Variants in TLR5 observed in about 807,000 individuals in gnomAD.
TLR5 encodes the protein toll like receptor 5, also known as toll-like receptor 5.
For missense variants in TLR5, 944 were observed against 999.8 expected (o/e 0.94, Z 0.75); for synonymous variants, 373 against 384.4 (o/e 0.97, Z 0.35).
At chr1:223,122,972 G>A (rs1298998758) in intron 5 of TLR5, among the ~76,000 whole-genome samples, 2 of 152,146 alleles carry the variant, frequency 1.3e-5, no homozygotes, top group African/African-American at 4.8e-5. Context: ...AGGTTTTGCA[G>A]TCCAAACACA....
rs1037625775 is a variant in TLR5, at chr1:223,110,151, A to G, written c.*304T>C. ...CAACTTCTCCCAAGGTGCCCTTCCC[A>G]TGATTAGGATACATTCCATAATCAA... On this transcript the variant is annotated 3_prime_UTR_variant, in exon 6 of 6. Coordinates refer to ENST00000642603, the MANE Select transcript of TLR5 (RefSeq NM_003268.6). 9 of 377,908 alleles carry G rather than the reference A, an allele frequency of 2.4e-5. No homozygotes were observed. Among genetic ancestry groups the G allele is most frequent in the South Asian group, 6.4e-5 (2 of 31,052 alleles). 23.4% of individuals were successfully genotyped at this position (377,908 alleles called of 1,614,324 possible).
chr1:223,112,863 A>G lies in TLR5; in HGVS notation c.169T>C (p.Tyr57His). The change falls in exon 6 of 6, where the codon TAT becomes CAT. Residue 57 changes from tyrosine to histidine, a missense_variant. By Grantham distance (83) the Tyr-to-His change is moderately conservative (BLOSUM62 2). Transcript: ENST00000642603. ...GATGAAGCAGTGACTGTCCTGATAT[A>G]GTTGAAGCTCAGCAGGAGCCTCTCA... ...TTERLLLSFN[Y>H]IRTVTASSFP... The G allele has an allele frequency of 6.2e-7, 1 of 1,614,024 alleles. No homozygotes were observed. Among genetic ancestry groups the G allele is most frequent in the Non-Finnish European group, 8.5e-7 (1 of 1,179,980 alleles).
intron 4 of TLR5, among the ~76,000 whole-genome samples, chr1:223,133,490 G>A (rs1322606126): frequency 2.0e-5 from 3 of 152,144 alleles, no homozygotes; most frequent in East Asian, 1.9e-4. Flanking sequence ...TGATGCTGCT[G>A]CTGGTCCACT....
At chr1:223,123,173 A>C (rs1212946941) in intron 5 of TLR5, among the ~76,000 whole-genome samples, 2 of 152,216 alleles carry the variant, frequency 1.3e-5, no homozygotes, top group Non-Finnish European at 2.9e-5. Flanking sequence ...AAACACGAGA[A>C]GGAAATTCTC....
At chr1:223,141,917 C>T (rs528067596) in intron 1 of TLR5, among the ~76,000 whole-genome samples, 154 bp from the exon 2 acceptor site, 35 of 150,820 alleles carry the variant, frequency 2.3e-4, no homozygotes, top group Admixed American at 5.9e-4. Flanking sequence ...ACGGTCTCTC[C>T]TCTGGGACCT....
chr1:223,124,454 A>AAG (rs1553268740), intron 5 of TLR5, among the ~76,000 whole-genome samples: 12 of 151,564 alleles, frequency 7.9e-5, no homozygotes, highest in African/African-American at 1.9e-4. Flanking sequence ...AAACAAAAAA[A>AAG]AAAAAGAAAA....
intron 5 of TLR5, among the ~76,000 whole-genome samples, chr1:223,113,367 G>A (rs967817500): frequency 3.3e-5 from 5 of 151,782 alleles, no homozygotes; most frequent in African/African-American, 7.3e-5. Context: ...CACTGTACCC[G>A]GCTAATTTTT....
At chr1:223,124,962 C>T (rs765861246) in intron 5 of TLR5, among the ~76,000 whole-genome samples, 24 of 152,136 alleles carry the variant, frequency 1.6e-4, no homozygotes, top group Non-Finnish European at 3.4e-4. Context: ...GAAGTTACAG[C>T]AACAGATGTG....
intron 2 of TLR5, among the ~76,000 whole-genome samples, chr1:223,140,112 A>C (rs1657775207): frequency 6.6e-6 from 1 of 152,174 alleles, no homozygotes. Context: ...ACTCTGCTCA[A>C]ACACTCGGGT....
intron 5 of TLR5, chr1:223,127,259 C>T (rs1300272312): frequency 2.6e-5 from 4 of 152,266 alleles, no homozygotes; most frequent in Non-Finnish European, 5.9e-5. Context: ...GAATGCTTCT[C>T]CTGGCAGGTG....
At chr1:223,114,741 G>T (rs960828812) in intron 5 of TLR5, among the ~76,000 whole-genome samples, 3 of 152,148 alleles carry the variant, frequency 2.0e-5, no homozygotes, top group South Asian at 2.1e-4. Context: ...TCTAATAATC[G>T]TTAGGAAAAA....
At chr1:223,135,443 G>A (rs982741472) in intron 3 of TLR5, among the ~76,000 whole-genome samples, 4 of 152,200 alleles carry the variant, frequency 2.6e-5, no homozygotes, top group African/African-American at 9.7e-5. Flanking sequence ...GCTCCAACTT[G>A]CTAGTGGTGG....
At chr1:223,121,558 G>C (rs754264535) in intron 5 of TLR5, among the ~76,000 whole-genome samples, 1 of 152,182 alleles carries the variant, frequency 6.6e-6, no homozygotes, top group African/African-American at 2.4e-5. Context: ...TCACTCTGCT[G>C]TCCAGGCTGG....
At chr1:223,130,531 G>A (rs1258898832) in intron 5 of TLR5, among the ~76,000 whole-genome samples, 1 of 152,170 alleles carries the variant, frequency 6.6e-6, no homozygotes, top group Admixed American at 6.5e-5. Flanking sequence ...GGATGGGCCG[G>A]TCTGAGAAGG....
rs1423064801 is a variant in TLR5 at position 223,110,584 on chromosome 1, C to G, written c.2448G>C (p.Leu816Phe). 1.3e-5 allele frequency: 21 copies of G among 1,614,058 alleles called. No homozygotes were observed. Among genetic ancestry groups the G allele is most frequent in the Non-Finnish European group, 1.8e-5 (21 of 1,180,026 alleles). Residue 816 changes from leucine (L) to phenylalanine (F), a missense_variant, in exon 6 of 6, where the codon TTG (leucine) becomes TTC (phenylalanine). Physicochemically the swap from Leu to Phe is conservative, Grantham distance 22. Transcript: ENST00000642603. ...CATCCTGGAGATCCTCAGGCCACCT[C>G]AAATACTGCTGTTTCTGTACAAAGC... ...IRGFVQKQQY[L>F]RWPEDLQDVG...
rs1656332972 is a variant in TLR5 at position 223,111,456 on chromosome 1, T to A, written c.1576A>T (p.Thr526Ser). The A allele has an allele frequency of 6.2e-7, 1 of 1,614,054 alleles. No individual in the cohort carries two copies. The highest frequency in any genetic ancestry group is 1.3e-5 in the African/African-American group (1 of 74,920). ...TTGAGGCTTAGTCCCCTTAATGCAGTCAGATGGCTAAATACTCCTGGTGGA... is the reference window on the plus strand; with the variant it reads ...TTGAGGCTTAGTCCCCTTAATGCAGACAGATGGCTAAATACTCCTGGTGGA... ...SLPPGVFSHLTALRGLSLNSN... is the reference protein window; with the variant it reads ...SLPPGVFSHLSALRGLSLNSN... The change falls in exon 6 of 6, where the codon ACT becomes TCT. Residue 526 changes from threonine (T) to serine (S), a missense_variant. Thr to Ser is a moderately conservative substitution (Grantham distance 58). Transcript: ENST00000642603.
chr1:223,116,557 G>T (rs1422722590), intron 5 of TLR5, among the ~76,000 whole-genome samples: 1 of 152,144 alleles, frequency 6.6e-6, no homozygotes, highest in African/African-American at 2.4e-5. Flanking sequence ...ACTGCAAAGA[G>T]CAAAAGAACA....
At chr1:223,127,533 C>T (rs1657219295) in intron 5 of TLR5, 1 of 152,208 alleles carries the variant, frequency 6.6e-6, no homozygotes, top group Admixed American at 6.5e-5. Context: ...CCATGCCCAA[C>T]AAATGGGCAT....
At chr1:223,120,658 T>C (rs1656915969) in intron 5 of TLR5, among the ~76,000 whole-genome samples, 1 of 152,240 alleles carries the variant, frequency 6.6e-6, no homozygotes, top group Non-Finnish European at 1.5e-5. Flanking sequence ...AATCACTTCA[T>C]GATGGCCAGT....
Sources: gnomAD v4.1 joint callset for allele counts (sites outside exome capture counted in the v4.1 genomes callset) on GRCh38, gnomAD v4.1.1 for gene constraint, MANE v1.5 for transcripts, NCBI Gene and HGNC (gene_info 2026-07-23, HGNC 2026-07-21) for gene names.